The following TRAPPC6B variants were observed in gnomAD, a reference collection of about 807,000 sequenced individuals.
The protein encoded by TRAPPC6B is TRAPP complex subunit 6B.
A neutral mutation model predicts 24.7 loss-of-function variants in TRAPPC6B; 27 were observed. The observed-to-expected ratio is 1.09, with a 90% CI of 0.81 to 1.51. The LOEUF (loss-of-function observed/expected upper bound fraction) is 1.51. TRAPPC6B is among the 40% of genes most tolerant of loss of function. TRAPPC6B has a pLI of 0.00. For synonymous variants in TRAPPC6B, 80 were observed against 66.6 expected (o/e 1.20, Z -0.98); for missense variants, 212 against 190.8 (o/e 1.11, Z -0.66).
intron 3 of TRAPPC6B, 133 bp from the exon 4 acceptor site, chr14:39,154,427 T>C (rs916301533): frequency 3.3e-5 from 20 of 612,226 alleles, no homozygotes; most frequent in Non-Finnish European, 5.0e-5. Flanking sequence ...AAGTTTTCTT[T>C]TTCTGTTCTT....
chr14:39,158,430 G>A, intron 2 of TRAPPC6B, 28 bp from the exon 3 acceptor site: 2 of 1,302,432 alleles, frequency 1.5e-6, no homozygotes, highest in Non-Finnish European at 2.2e-6. Flanking sequence ...AAGTAATACA[G>A]TATTTCTCCT....
At chr14:39,151,057 T>C (rs2052905829) in intron 5 of TRAPPC6B, among the ~76,000 whole-genome samples, 1 of 152,094 alleles carries the variant, frequency 6.6e-6, no homozygotes, top group South Asian at 2.1e-4. Context: ...TGGTTTTACT[T>C]AGCTTGATAT....
At chr14:39,167,470 C>G (rs967962089) in intron 1 of TRAPPC6B, among the ~76,000 whole-genome samples, 1 of 152,000 alleles carries the variant, frequency 6.6e-6, no homozygotes, top group Non-Finnish European at 1.5e-5. Flanking sequence ...TCTTTTCAGA[C>G]ATAAACAACA....
At position 39,151,810 on chromosome 14, in the gene TRAPPC6B, T is replaced by C. The variant is rs763445874; in HGVS notation, c.381A>G (p.Arg127=). ...KYLAFTCGLI[R]GGLSNLGIKS... is the part of the protein sequence containing the mutation. The stretch of plus-strand genomic sequence containing the variant: ...TTATTCCCAAGTTTGATAAGCCACC[T>C]CTGATTAAGCCACACGTAAATGCTA... Residue 127 remains arginine (R), a synonymous_variant, in exon 5 of 6, where the codon AGA becomes AGG. Transcript: ENST00000330149. The C allele has an allele frequency of 6.2e-6, 10 of 1,609,304 alleles. No homozygotes were observed. Among genetic ancestry groups the C allele is most frequent in the Non-Finnish European group, 8.5e-6 (10 of 1,178,570 alleles).
rs1214249668 is a variant in TRAPPC6B at position 39,170,004 on chromosome 14, G to T, written c.81+11C>A. The T allele has an allele frequency of 6.2e-7, 1 of 1,613,508 alleles. No individual in the cohort carries two copies. Among genetic ancestry groups the T allele is most frequent in the Non-Finnish European group, 8.5e-7 (1 of 1,179,464 alleles). On this transcript the variant is annotated intron_variant, in intron 1 of 5. Transcript: ENST00000330149. ...CGCAAAAGGACCTCAAGGTTGTGTG[G>T]CAGCACTCACCACCTCCCCCTGCTC... is the stretch of plus-strand genomic sequence containing the variant.
chr14:39,159,430 C>A (rs377171280), intron 2 of TRAPPC6B, 53 bp downstream of exon 2: 259 of 1,208,338 alleles, frequency 2.1e-4, no homozygotes, highest in Non-Finnish European at 2.7e-4. Flanking sequence ...TGAAATAGAT[C>A]ACCTTTGTTT....
At chr14:39,165,044 A>G (rs1373433689) in intron 1 of TRAPPC6B, among the ~76,000 whole-genome samples, 1 of 143,200 alleles carries the variant, frequency 7.0e-6, no homozygotes, top group African/African-American at 2.6e-5. Context: ...TAGACTTCAC[A>G]TTCTTTTTTT....
intron 3 of TRAPPC6B, chr14:39,156,963 T>G (rs1159842457): frequency 6.4e-6 from 1 of 157,002 alleles, no homozygotes; most frequent in African/African-American, 2.4e-5. Context: ...ATACAAAAAT[T>G]AGCCGGAGTG....
Position 39,158,267 on chromosome 14 carries a change from C to G in TRAPPC6B, c.267+18G>C, listed in dbSNP as rs879279816. Reference sequence around the variant, plus strand: ...AGTTAAAGGACTTTAAAATATAGGCCTTAATTAATTTAATTACCTGATGAT... The same window carrying G: ...AGTTAAAGGACTTTAAAATATAGGCGTTAATTAATTTAATTACCTGATGAT... On this transcript the variant is annotated intron_variant, in intron 3 of 5. Coordinates refer to ENST00000330149, the MANE Select transcript of TRAPPC6B (RefSeq NM_001079537.2). 4.7e-5 allele frequency: 64 copies of G among 1,357,400 alleles called. No homozygotes were observed. Among genetic ancestry groups the G allele is most frequent in the Non-Finnish European group, 6.4e-5 (62 of 974,196 alleles). The allele number at this position is 1,357,400 out of a possible 1,614,324, so 84.1% of individuals were successfully genotyped here. A position where few individuals can be genotyped will look rare whatever the true frequency, so the allele number is the denominator to read the frequency against.
chr14:39,163,085 T>A (rs1225545740), intron 1 of TRAPPC6B, among the ~76,000 whole-genome samples: 1 of 150,610 alleles, frequency 6.6e-6, no homozygotes, highest in East Asian at 1.9e-4. Context: ...ATTTTAAAAA[T>A]GTGTTGGCTG....
intron 1 of TRAPPC6B, among the ~76,000 whole-genome samples, chr14:39,164,266 G>A (rs750318220): frequency 2.6e-5 from 4 of 152,068 alleles, no homozygotes; most frequent in Non-Finnish European, 5.9e-5. Flanking sequence ...CGAGGCAGGC[G>A]GATTACCTGA....
rs902705287 is a variant in TRAPPC6B at position 39,148,506 on chromosome 14, G to T, written c.*1844C>A. On this transcript the variant is annotated 3_prime_UTR_variant, in exon 6 of 6. Transcript: ENST00000330149. ...AGGAAGGGAGAACGAAATGGCTGAT[G>T]GGTAGGCATATGAATGTCTAACAAA... The T allele has an allele frequency of 2.5e-6, 1 of 394,884 alleles. No individual in the cohort carries two copies. The highest frequency in any genetic ancestry group is 2.1e-5 in the African/African-American group (1 of 48,534). 24.5% of individuals were successfully genotyped at this position (394,884 alleles called of 1,614,324 possible).
At chr14:39,152,720 G>A (rs2052929602) in intron 4 of TRAPPC6B, among the ~76,000 whole-genome samples, 1 of 152,156 alleles carries the variant, frequency 6.6e-6, no homozygotes, top group Admixed American at 6.6e-5. Context: ...ATGTATATGT[G>A]CGTATTTATG....
intron 1 of TRAPPC6B, among the ~76,000 whole-genome samples, chr14:39,169,435 T>G (rs2053142240): frequency 6.6e-6 from 1 of 152,178 alleles, no homozygotes; most frequent in African/African-American, 2.4e-5. Context: ...CACTACTATA[T>G]CCCTGGCACC....
In TRAPPC6B at chr14:39,158,351, G is replaced by C; in HGVS notation, c.201C>G (p.Phe67Leu). Residue 67 changes from phenylalanine to leucine, a missense_variant, in exon 3 of 6, where the codon TTC becomes TTG. Phe to Leu is a conservative substitution (Grantham distance 22). Coordinates refer to ENST00000330149, the MANE Select transcript of TRAPPC6B (RefSeq NM_001079537.2). ...CCGTAGTCCAAAAATCTTTACAAAT[G>C]AACTTCATGATATCTAACTCATCCT... ...RFKDELDIMK[F>L]ICKDFWTTVF... 6.2e-7 allele frequency: 1 copy of C among 1,604,488 alleles called. No homozygotes were observed. The highest frequency in any genetic ancestry group is 8.5e-7 in the Non-Finnish European group (1 of 1,177,802).
At chr14:39,164,086 C>CTACAA in intron 1 of TRAPPC6B, among the ~76,000 whole-genome samples, 1 of 152,180 alleles carries the variant, frequency 6.6e-6, no homozygotes, top group African/African-American at 2.4e-5. Context: ...TATCATTTCT[C>CTACAA]TCCTGGTTTT....
At chr14:39,156,239 C>A (rs1261171007) in intron 3 of TRAPPC6B, among the ~76,000 whole-genome samples, 1 of 152,170 alleles carries the variant, frequency 6.6e-6, no homozygotes, top group Non-Finnish European at 1.5e-5. Flanking sequence ...AATCCCAGAA[C>A]TCTGGGAGGC....
intron 4 of TRAPPC6B, among the ~76,000 whole-genome samples, 197 bp from the exon 5 acceptor site, chr14:39,152,036 T>TA (rs2097468397): frequency 6.6e-6 from 1 of 152,198 alleles, no homozygotes; most frequent in South Asian, 2.1e-4. Flanking sequence ...ACGTAGGACT[T>TA]AAGACTTAAG....
In TRAPPC6B at chr14:39,158,329, T is replaced by C. The variant is rs149929988; in HGVS notation, c.223A>G (p.Thr75Ala). The change falls in exon 3 of 6, where the codon ACG (threonine) becomes GCG (alanine). Residue 75 changes from threonine (T) to alanine (A), a missense_variant. Thr to Ala is a moderately conservative substitution (Grantham distance 58). Transcript: ENST00000330149. Reference sequence around the variant, plus strand: ...TTGTCGATTTGTTTCTTGAATACCGTAGTCCAAAAATCTTTACAAATGAAC... The same window carrying C: ...TTGTCGATTTGTTTCTTGAATACCGCAGTCCAAAAATCTTTACAAATGAAC... Reference protein sequence around the residue: ...MKFICKDFWTTVFKKQIDNLR... With the variant: ...MKFICKDFWTAVFKKQIDNLR... The C allele has an allele frequency of 5.1e-4, 818 of 1,604,334 alleles. 2 individuals are homozygous for C. Among genetic ancestry groups the C allele is most frequent in the Middle Eastern group, 6.6e-4 (4 of 6,018 alleles).
Sources: allele counts gnomAD v4.1 joint callset (sites outside exome capture counted in the v4.1 genomes callset), GRCh38; gene constraint gnomAD v4.1.1; transcripts MANE v1.5; gene names NCBI Gene and HGNC (gene_info 2026-07-23, HGNC 2026-07-21).